The following GLRA2 variants were observed in gnomAD, a reference collection of about 807,000 sequenced individuals.
GLRA2 encodes the protein glycine receptor subunit alpha-2.
In GLRA2, 11 loss-of-function variants were observed where a neutral mutation model predicts 31.6. The ratio of observed to expected loss-of-function variants is 0.35; its 90% confidence interval spans 0.22 to 0.58. The LOEUF is 0.58. Among genes scored for constraint, GLRA2 ranks in the 20% least tolerant of loss-of-function variants. The pLI is 0.84. For synonymous variants in GLRA2, 132 were observed against 134.0 expected, an observed-to-expected ratio of 0.99 and a Z score of 0.10; for missense variants, 212 against 351.8, an observed-to-expected ratio of 0.60 and a Z score of 3.18.
At chrX:14,465,213 T>C in the GLRA2 span, among the ~76,000 whole-genome samples, 3 of 111,980 alleles carry the variant, frequency 2.7e-5, no homozygotes, top group African/African-American at 9.7e-5. Flanking sequence ...TTTGTAGCTA[T>C]TGTAAATGGG....
chrX:14,464,510 A>C, the GLRA2 span, among the ~76,000 whole-genome samples: 17 of 111,837 alleles, frequency 1.5e-4, no homozygotes, highest in African/African-American at 5.5e-4. Context: ...GATGAATTTC[A>C]GGGTTCTCTA....
At chrX:14,639,183 C>G (rs994353580) in intron 7 of GLRA2, among the ~76,000 whole-genome samples, 1 of 111,660 alleles carries the variant, frequency 9.0e-6, no homozygotes, top group African/African-American at 3.2e-5. Context: ...ATCTTTCTCT[C>G]TCTTCCTTCA....
the GLRA2 span, among the ~76,000 whole-genome samples, chrX:14,448,797 G>A: frequency 9.1e-6 from 1 of 109,970 alleles, no homozygotes; most frequent in Non-Finnish European, 1.9e-5. Context: ...CTTTGCAGAT[G>A]GACAAGGGGA....
chrX:14,461,524 G>A, the GLRA2 span, among the ~76,000 whole-genome samples: 86 of 111,822 alleles, frequency 7.7e-4, no homozygotes, highest in African/African-American at 2.6e-3. Context: ...TTATGAAGCT[G>A]GGTGCTCCTG....
intron 7 of GLRA2, among the ~76,000 whole-genome samples, chrX:14,684,280 G>A (rs1480898716): frequency 9.0e-6 from 1 of 111,284 alleles, no homozygotes; most frequent in Non-Finnish European, 1.9e-5. Context: ...TTTGGCTTAG[G>A]ATTGACTTGG....
the GLRA2 span, among the ~76,000 whole-genome samples, chrX:14,463,699 G>A: frequency 8.7e-3 from 958 of 110,510 alleles, 20 homozygotes; most frequent in African/African-American, 0.031. Context: ...GGGATCTCCT[G>A]TTCTGCCAGT....
intron 8 of GLRA2, among the ~76,000 whole-genome samples, chrX:14,708,406 G>C (rs748322545): frequency 1.8e-3 from 206 of 111,419 alleles, no homozygotes; most frequent in Non-Finnish European, 2.9e-3. Context: ...GGGGTCATTT[G>C]GTTGCCATGA....
At chrX:14,728,703 G>C (rs1043763329) in intron 8 of GLRA2, among the ~76,000 whole-genome samples, 1 of 112,225 alleles carries the variant, frequency 8.9e-6, no homozygotes, top group African/African-American at 3.2e-5. Context: ...CAAGGACTGC[G>C]TTGAACTCTT....
At chrX:14,612,969 TATAATA>T (rs989682522) in intron 7 of GLRA2, among the ~76,000 whole-genome samples, 1 of 110,594 alleles carries the variant, frequency 9.0e-6, no homozygotes. Context: ...GAACTTAAAG[TATAATA>T]ATAATAAAAA....
At position 14,684,990 on chromosome X, in the gene GLRA2, A is replaced by G. The variant is rs1308090057; in HGVS notation, c.931-5720A>G. 3.8e-4 allele frequency among the ~76,000 whole-genome samples: 42 copies of G among 111,321 alleles called. 1 individual carries two copies. The highest frequency in any genetic ancestry group is 1.4e-3 in the African/African-American group (42 of 30,662). On this transcript the variant is annotated intron_variant, in intron 7 of 8. Transcript: ENST00000218075. ...CTCTTATTATTTTGAGATATGTCCCATCAATACCTAATTTATTGAGAGTTT... is the reference window on the plus strand; with the variant it reads ...CTCTTATTATTTTGAGATATGTCCCGTCAATACCTAATTTATTGAGAGTTT...
In GLRA2 at chrX:14,695,164, A is replaced by G. The variant is rs936768077; in HGVS notation, c.1080+4305A>G. ...ACACATTGAGATAACAGAAACAAAAAAAAAAGCTCTGAGAATGGAGCATTC... is the reference window on the plus strand; with the variant it reads ...ACACATTGAGATAACAGAAACAAAAGAAAAAGCTCTGAGAATGGAGCATTC... On this transcript the variant is annotated intron_variant, in intron 8 of 8. Coordinates refer to ENST00000218075, the MANE Select transcript of GLRA2 (RefSeq NM_002063.4). 1.1e-3 allele frequency among the ~76,000 whole-genome samples: 118 copies of G among 111,773 alleles called. 1 individual carries two copies. The highest frequency in any genetic ancestry group is 1.3e-3 in the Admixed American group (14 of 10,511).
the GLRA2 span, among the ~76,000 whole-genome samples, chrX:14,501,542 T>G: frequency 9.0e-6 from 1 of 111,585 alleles, no homozygotes; most frequent in East Asian, 2.8e-4. Context: ...ACATTTATGC[T>G]CCACTTGGCT....
chrX:14,496,966 C>A, the GLRA2 span, among the ~76,000 whole-genome samples: 12 of 111,872 alleles, frequency 1.1e-4, no homozygotes, highest in Admixed American at 7.6e-4. Context: ...GAAGCAAAAT[C>A]TTTTCATTGT....
the GLRA2 span, among the ~76,000 whole-genome samples, chrX:14,510,361 T>C: frequency 8.9e-6 from 1 of 111,821 alleles, no homozygotes; most frequent in Non-Finnish European, 1.9e-5. Context: ...AATTTGTCTT[T>C]CCTTCTCAAC....
At chrX:14,490,636 G>A in the GLRA2 span, among the ~76,000 whole-genome samples, 1 of 111,740 alleles carries the variant, frequency 8.9e-6, no homozygotes, top group South Asian at 3.8e-4. Flanking sequence ...ACTAGGAGGA[G>A]GGAAGGTGAA....
At chrX:14,634,659 A>C (rs1046691306) in intron 7 of GLRA2, among the ~76,000 whole-genome samples, 7 of 111,987 alleles carry the variant, frequency 6.3e-5, no homozygotes, top group Admixed American at 2.9e-4. Flanking sequence ...TTGCATGGTT[A>C]GTAATGAAAA....
intron 7 of GLRA2, among the ~76,000 whole-genome samples, chrX:14,611,728 T>C (rs1449350244): frequency 8.9e-6 from 1 of 112,004 alleles, no homozygotes; most frequent in African/African-American, 3.2e-5. Flanking sequence ...GGCAACAACT[T>C]TGTCTTGTTC....
chrX:14,483,385 G>A, the GLRA2 span, among the ~76,000 whole-genome samples: 1 of 112,043 alleles, frequency 8.9e-6, no homozygotes, highest in African/African-American at 3.2e-5. Flanking sequence ...GGCCTAACGT[G>A]ACTATACCTC....
chrX:14,667,858 G>A (rs2091051007), intron 7 of GLRA2, among the ~76,000 whole-genome samples: 2 of 111,440 alleles, frequency 1.8e-5, no homozygotes, highest in African/African-American at 6.5e-5. Flanking sequence ...GTCAATTGCT[G>A]CATAACAAAT....
Sources: allele counts gnomAD v4.1 joint callset (sites outside exome capture counted in the v4.1 genomes callset), GRCh38; gene constraint gnomAD v4.1.1; transcripts MANE v1.5; gene names NCBI Gene and HGNC (gene_info 2026-07-23, HGNC 2026-07-21).